The following COL4A5 variants were observed in gnomAD, a reference collection of about 807,000 sequenced individuals.
The protein encoded by COL4A5 is collagen type IV alpha 5 chain, also known as collagen alpha-5(IV) chain.
A neutral mutation model predicts 130.2 loss-of-function variants in COL4A5; 26 were observed. The observed-to-expected ratio is 0.20, with a 90% CI of 0.15 to 0.28. The LOEUF is 0.28. Ranked by LOEUF, COL4A5 falls within the 10% of genes least tolerant of loss-of-function variation. The pLI, the probability that COL4A5 is intolerant of heterozygous loss-of-function variation, is 1.00. For synonymous variants in COL4A5, 496 were observed against 439.6 expected (o/e 1.13, Z -1.60); for missense variants, 1,131 against 1,344.3 (o/e 0.84, Z 2.48).
chrX:108,485,658 A>C (rs2064936937), intron 1 of COL4A5, among the ~76,000 whole-genome samples: 1 of 109,421 alleles, frequency 9.1e-6, no homozygotes, highest in Admixed American at 9.8e-5. Flanking sequence ...GCCCTATCCT[A>C]CTGTGTCTGA....
At chrX:108,645,372 A>G (rs557052913) in intron 36 of COL4A5, among the ~76,000 whole-genome samples, 1 of 111,785 alleles carries the variant, frequency 8.9e-6, no homozygotes, top group Non-Finnish European at 1.9e-5. Context: ...ATCATTAAGA[A>G]ATGACACAGG....
Position 108,578,382 on chromosome X carries a change from A to G in COL4A5, c.779A>G (p.Gln260Arg), listed in dbSNP as rs372889859. The G allele has an allele frequency of 1.0e-5, 12 of 1,172,503 alleles. No individual in the cohort carries two copies. Among genetic ancestry groups the G allele is most frequent in the Admixed American group, 6.6e-5 (3 of 45,696 alleles). ...PIDVEFQKGD[Q>R]GLPGDRGPPG... ...GATGTAGAGTTTCAGAAAGGAGATC[A>G]GGTGAGTAAGTAGGGAGGAAGTCAA... Residue 260 changes from glutamine (Q) to arginine (R), a missense_variant and splice_region_variant, in exon 13 of 53, where the codon CAG (glutamine) becomes CGG (arginine). Coordinates refer to ENST00000328300, the MANE Select transcript of COL4A5 (RefSeq NM_033380.3).
At chrX:108,440,684 C>T (rs907479255) in intron 1 of COL4A5, among the ~76,000 whole-genome samples, 11 of 111,643 alleles carry the variant, frequency 9.9e-5, no homozygotes, top group African/African-American at 3.3e-4. Flanking sequence ...TGAAGTTCGT[C>T]CCCTTTGCTC....
chrX:108,603,793 T>C (rs781447992), intron 28 of COL4A5, among the ~76,000 whole-genome samples: 1 of 112,200 alleles, frequency 8.9e-6, no homozygotes, highest in South Asian at 3.7e-4. Context: ...AAAATTGGAG[T>C]GAGTCTTCTC....
intron 13 of COL4A5, among the ~76,000 whole-genome samples, chrX:108,579,490 G>T (rs1209384644): frequency 1.8e-5 from 2 of 112,036 alleles, no homozygotes; most frequent in Non-Finnish European, 3.8e-5. Context: ...ATAAAATTAG[G>T]TTATGGTAAG....
At chrX:108,527,378 T>A (rs762109300) in intron 1 of COL4A5, among the ~76,000 whole-genome samples, 1 of 112,028 alleles carries the variant, frequency 8.9e-6, no homozygotes, top group Non-Finnish European at 1.9e-5. Flanking sequence ...GTAATCAATA[T>A]CCTTACCAGT....
At chrX:108,563,092 C>T (rs1246310275) in intron 3 of COL4A5, among the ~76,000 whole-genome samples, 1 of 111,529 alleles carries the variant, frequency 9.0e-6, no homozygotes, top group East Asian at 2.8e-4. Flanking sequence ...TGAACCATAA[C>T]TTAGCATTGT....
chrX:108,595,887 C>T (rs912098831), intron 22 of COL4A5, among the ~76,000 whole-genome samples: 7 of 112,161 alleles, frequency 6.2e-5, no homozygotes, highest in African/African-American at 2.3e-4. Context: ...AGTCAGACTT[C>T]TTTCTTCCAG....
chrX:108,461,542 C>T (rs1205158990), intron 1 of COL4A5, among the ~76,000 whole-genome samples: 1 of 111,530 alleles, frequency 9.0e-6, no homozygotes, highest in Non-Finnish European at 1.9e-5. Flanking sequence ...CTTAGTTTTC[C>T]CTACATGTCT....
intron 36 of COL4A5, among the ~76,000 whole-genome samples, chrX:108,642,356 C>T (rs2067485506): frequency 9.0e-6 from 1 of 111,021 alleles, no homozygotes; most frequent in South Asian, 3.8e-4. Context: ...AGGGCCCCAC[C>T]TACCACTGGT....
chrX:108,672,023 C>T (rs747530383), intron 42 of COL4A5, among the ~76,000 whole-genome samples: 32 of 111,619 alleles, frequency 2.9e-4, no homozygotes, highest in Non-Finnish European at 5.1e-4. Context: ...ACTTAAGGCT[C>T]CCCAGTGATC....
chrX:108,654,121 T>G lies in COL4A5; in HGVS notation c.3247-1210T>G, dbSNP rs184927825. Among the ~76,000 whole-genome samples, 334 of 112,491 alleles carry G rather than the reference T, an allele frequency of 3.0e-3. 2 individuals carry two copies. The highest frequency in any genetic ancestry group is 2.3e-3 in the Non-Finnish European group (121 of 53,301). On this transcript the variant is annotated intron_variant, in intron 36 of 52. Coordinates refer to ENST00000328300, the MANE Select transcript of COL4A5 (RefSeq NM_033380.3). ...GCACCTTATTGTAAAGGTCCTGATC[T>G]TCATGCGCAGAGCAGCAAGCCCTGC...
intron 37 of COL4A5, among the ~76,000 whole-genome samples, chrX:108,662,652 A>G (rs2067985956): frequency 8.9e-6 from 1 of 112,005 alleles, no homozygotes; most frequent in Admixed American, 9.5e-5. Flanking sequence ...AATACAACTT[A>G]CAAGGGATGT....
Position 108,601,939 on chromosome X carries a change from G to T in COL4A5, c.2096G>T (p.Gly699Val). ...PGLPGIPGSK[G>V]EPGIPGIGLP... ...TTGCCAGGGATACCTGGTAGCAAAG[G>T]AGAACCAGGTATCCCTGGAATTGGG... The change falls in exon 27 of 53, where the codon GGA becomes GTA. Residue 699 changes from glycine (G) to valine (V), a missense_variant. Coordinates refer to ENST00000328300, the MANE Select transcript of COL4A5 (RefSeq NM_033380.3). The T allele has an allele frequency of 8.6e-7, 1 of 1,168,851 alleles. No individual in the cohort carries two copies. Among genetic ancestry groups the T allele is most frequent in the South Asian group, 1.9e-5 (1 of 53,099 alleles).
chrX:108,613,860 C>G (rs1211633188), intron 29 of COL4A5, among the ~76,000 whole-genome samples: 1 of 111,874 alleles, frequency 8.9e-6, no homozygotes, highest in East Asian at 2.8e-4. Context: ...GGTGCAGCCA[C>G]TTTGAAAAAC....
chrX:108,645,471 G>A (rs2067560566), intron 36 of COL4A5, among the ~76,000 whole-genome samples: 1 of 108,203 alleles, frequency 9.2e-6, no homozygotes, highest in South Asian at 3.9e-4. Flanking sequence ...AAACCTAGAA[G>A]AGATGGCTAA....
intron 2 of COL4A5, among the ~76,000 whole-genome samples, chrX:108,552,113 A>G (rs1438381342): frequency 1.8e-5 from 2 of 111,378 alleles, no homozygotes; most frequent in African/African-American, 3.3e-5. Context: ...GACACTCACT[A>G]CCTGGGTGAT....
chrX:108,671,284 G>A (rs1481653782), intron 42 of COL4A5, among the ~76,000 whole-genome samples: 2 of 111,511 alleles, frequency 1.8e-5, no homozygotes, highest in Non-Finnish European at 3.8e-5. Flanking sequence ...ATCAAAAGAG[G>A]TAATAGTATA....
chrX:108,450,240 A>G (rs1014711054), intron 1 of COL4A5, among the ~76,000 whole-genome samples: 3 of 111,971 alleles, frequency 2.7e-5, no homozygotes, highest in Non-Finnish European at 5.6e-5. Flanking sequence ...GAGCTGAACC[A>G]GTTGATTTTT....
Sources: gnomAD v4.1 joint callset for allele counts (sites outside exome capture counted in the v4.1 genomes callset) on GRCh38, gnomAD v4.1.1 for gene constraint, MANE v1.5 for transcripts, NCBI Gene and HGNC (gene_info 2026-07-23, HGNC 2026-07-21) for gene names.